Variants in R3HDM1 observed in about 807,000 individuals in gnomAD.
R3HDM1 encodes the protein R3H domain containing 1.
In R3HDM1, 46 loss-of-function variants were observed where a neutral mutation model predicts 141.1. That is an observed-to-expected ratio of 0.33 (90% CI 0.26 to 0.42). The LOEUF is 0.42. R3HDM1 is among the 10% of genes least tolerant of loss of function. The pLI, the probability that R3HDM1 is intolerant of heterozygous loss-of-function variation, is 1.00. For synonymous variants in R3HDM1, 435 were observed against 472.9 expected, an observed-to-expected ratio of 0.92 and a Z score of 1.04; for missense variants, 1,184 against 1,368.3, an observed-to-expected ratio of 0.87 and a Z score of 2.12.
chr2:135,553,696 GT>G (rs1368393990), intron 1 of R3HDM1, among the ~76,000 whole-genome samples: 19 of 152,222 alleles, frequency 1.2e-4, no homozygotes, highest in Admixed American at 1.2e-3. Flanking sequence ...TTGTTTGTTT[GT>G]TTGTTTGTTT....
chr2:135,536,547 T>A (rs921709015), intron 1 of R3HDM1: 2 of 927,272 alleles, frequency 2.2e-6, no homozygotes, highest in African/African-American at 3.6e-5. Context: ...GCAAAAGAAA[T>A]TAGGTAGAGA....
Position 135,699,040 on chromosome 2 carries a change from TA to T in R3HDM1, c.2460-10392del, listed in dbSNP as rs1559466205. On this transcript the variant is annotated intron_variant, in intron 21 of 26. Transcript: ENST00000683871. ...ATAGATAGATAGATAGATAGATAGATAGATAAGATAGATAAGATAGATTGAT... is the reference window on the plus strand; with the variant it reads ...ATAGATAGATAGATAGATAGATAGATGATAAGATAGATAAGATAGATTGAT... 2.5e-3 allele frequency among the ~76,000 whole-genome samples: 283 copies of T among 113,858 alleles called. 5 individuals carry two copies. The East Asian group carries it at 0.041, about 17-fold the overall frequency. The allele number at this position is 113,858 out of a possible 152,430, so 74.7% of individuals were successfully genotyped here.
At chr2:135,620,418 G>T (rs1417493953) in intron 5 of R3HDM1, 2 of 880,564 alleles carry the variant, frequency 2.3e-6, no homozygotes, top group Non-Finnish European at 2.7e-6. Flanking sequence ...GAAGTTGCCA[G>T]TGTCTTTGGT....
intron 7 of R3HDM1, among the ~76,000 whole-genome samples, chr2:135,626,718 A>G (rs924653017): frequency 3.9e-5 from 6 of 152,184 alleles, no homozygotes; most frequent in African/African-American, 4.8e-5. Flanking sequence ...AGTATATTCA[A>G]TATACAGATA....
chr2:135,565,788 T>C (rs1255376311), intron 1 of R3HDM1: 1 of 152,806 alleles, frequency 6.5e-6, no homozygotes, highest in African/African-American at 2.4e-5. Flanking sequence ...AAGCTCTATG[T>C]TGGGGTGATC....
intron 1 of R3HDM1, among the ~76,000 whole-genome samples, chr2:135,572,591 T>A (rs1704390262): frequency 6.6e-6 from 1 of 152,232 alleles, no homozygotes; most frequent in South Asian, 2.1e-4. Context: ...CTCTTGGGAA[T>A]GTTAAATTGT....
At chr2:135,587,802 C>T (rs1197128694) in intron 1 of R3HDM1, among the ~76,000 whole-genome samples, 2 of 151,726 alleles carry the variant, frequency 1.3e-5, no homozygotes, top group African/African-American at 2.4e-5. Flanking sequence ...TTTGTCTGTG[C>T]GTCTCTATCT....
At chr2:135,606,403 G>A (rs1300642212) in intron 3 of R3HDM1, 1 of 152,090 alleles carries the variant, frequency 6.6e-6, no homozygotes, top group Non-Finnish European at 1.5e-5. Flanking sequence ...CCAGAGGATG[G>A]GGAATTAGAC....
intron 19 of R3HDM1, among the ~76,000 whole-genome samples, chr2:135,663,185 T>C (rs1001435259): frequency 1.3e-5 from 2 of 150,864 alleles, no homozygotes; most frequent in Non-Finnish European, 3.0e-5. Context: ...CAACTAAATA[T>C]GCCTGATTGG....
chr2:135,680,573 C>T (rs2070110031), intron 21 of R3HDM1, among the ~76,000 whole-genome samples: 1 of 152,228 alleles, frequency 6.6e-6, no homozygotes, highest in Admixed American at 6.5e-5. Flanking sequence ...CATTCAAAAC[C>T]AGCCTGGCCA....
At chr2:135,584,162 T>G in intron 1 of R3HDM1, 1 of 644,916 alleles carries the variant, frequency 1.6e-6, no homozygotes, top group Non-Finnish European at 1.9e-6. Context: ...ACACCATCTC[T>G]AATAAAAATA....
chr2:135,602,304 C>T (rs1417842282), intron 1 of R3HDM1, among the ~76,000 whole-genome samples, 196 bp from the exon 2 acceptor site: 2 of 152,114 alleles, frequency 1.3e-5, no homozygotes, highest in African/African-American at 2.4e-5. Flanking sequence ...TCAATCCTCT[C>T]GGCCTCAGTG....
chr2:135,669,541 A>G, intron 19 of R3HDM1: 1 of 985,326 alleles, frequency 1.0e-6, no homozygotes. Context: ...AAAATGAAGC[A>G]AGGCCAGGTT....
intron 1 of R3HDM1, among the ~76,000 whole-genome samples, chr2:135,576,201 C>A (rs919567830): frequency 2.6e-5 from 4 of 151,932 alleles, no homozygotes; most frequent in Non-Finnish European, 2.9e-5. Context: ...AGTTTGAGAC[C>A]ACCCTGGATA....
chr2:135,541,220 A>C (rs1462959064), intron 1 of R3HDM1, among the ~76,000 whole-genome samples: 2 of 151,306 alleles, frequency 1.3e-5, no homozygotes, highest in East Asian at 3.9e-4. Flanking sequence ...TTTTTTTTGG[A>C]GACAGAGTCT....
At chr2:135,656,210 T>G (rs1427937391) in intron 18 of R3HDM1, among the ~76,000 whole-genome samples, 1 of 152,236 alleles carries the variant, frequency 6.6e-6, no homozygotes, top group Non-Finnish European at 1.5e-5. Flanking sequence ...AGTGTCATTC[T>G]TTTGAGTAAC....
intron 19 of R3HDM1, among the ~76,000 whole-genome samples, chr2:135,672,652 A>G (rs1320492673): frequency 6.6e-6 from 1 of 152,150 alleles, no homozygotes; most frequent in African/African-American, 2.4e-5. Context: ...ATTTGTAACA[A>G]ATGACTAGAT....
chr2:135,546,971 C>T (rs958092667), intron 1 of R3HDM1, among the ~76,000 whole-genome samples: 4 of 152,096 alleles, frequency 2.6e-5, no homozygotes, highest in Non-Finnish European at 2.9e-5. Flanking sequence ...CGCGCCCAGC[C>T]AAGAAATGTT....
At chr2:135,655,492 TTTG>T (rs543591380) in intron 18 of R3HDM1, among the ~76,000 whole-genome samples, 2,396 of 151,468 alleles carry the variant, frequency 0.016, 55 homozygotes, top group African/African-American at 0.053. Context: ...TTTTTTTGTT[TTTG>T]TTGTTGTTGT....
Sources: gnomAD v4.1 joint callset for allele counts (sites outside exome capture counted in the v4.1 genomes callset) on GRCh38, gnomAD v4.1.1 for gene constraint, MANE v1.5 for transcripts, NCBI Gene and HGNC (gene_info 2026-07-23, HGNC 2026-07-21) for gene names.